The following BAZ2B variants were observed in gnomAD, a reference collection of about 807,000 sequenced individuals.
BAZ2B encodes bromodomain adjacent to zinc finger domain protein 2B.
A neutral mutation model predicts 246.0 loss-of-function variants in BAZ2B; 91 were observed. The observed-to-expected ratio is 0.37, with a 90% CI of 0.31 to 0.44. BAZ2B has a LOEUF of 0.44. Ranked by LOEUF, BAZ2B falls within the 20% of genes least tolerant of loss-of-function variation. BAZ2B has a pLI of 1.00. For missense variants in BAZ2B, 2,332 were observed against 2,533.7 expected, an observed-to-expected ratio of 0.92 and a Z score of 1.71; for synonymous variants, 855 against 860.0, an observed-to-expected ratio of 0.99 and a Z score of 0.10.
At chr2:159,434,159 T>C (rs1336223288) in intron 8 of BAZ2B, 4 of 151,848 alleles carry the variant, frequency 2.6e-5, no homozygotes, top group Non-Finnish European at 4.4e-5. Flanking sequence ...AGAATTATTA[T>C]TATTATTATT....
At chr2:159,703,642 G>A in the BAZ2B span, among the ~76,000 whole-genome samples, 1 of 152,142 alleles carries the variant, frequency 6.6e-6, no homozygotes, top group Non-Finnish European at 1.5e-5. Context: ...CCAGCACTTT[G>A]GAAGGCTGAG....
chr2:159,583,012 T>C (rs980473429), intron 1 of BAZ2B, among the ~76,000 whole-genome samples: 1 of 152,002 alleles, frequency 6.6e-6, no homozygotes, highest in East Asian at 1.9e-4. Flanking sequence ...ATAGAATACA[T>C]AGCAATACAA....
chr2:159,528,007 T>C (rs1181548491), intron 2 of BAZ2B, among the ~76,000 whole-genome samples: 1 of 152,166 alleles, frequency 6.6e-6, no homozygotes, highest in Non-Finnish European at 1.5e-5. Context: ...ATAAATCATT[T>C]AACATTTGGA....
chr2:159,366,023 T>C (rs1002379962), intron 27 of BAZ2B, among the ~76,000 whole-genome samples: 2 of 152,200 alleles, frequency 1.3e-5, no homozygotes, highest in Non-Finnish European at 2.9e-5. Flanking sequence ...TTCTGGAAAT[T>C]CTACTCCCAG....
In BAZ2B at chr2:159,479,483, T is replaced by A. The variant is rs151012426; in HGVS notation, c.-2-762A>T. 1.4e-3 allele frequency among the ~76,000 whole-genome samples: 215 copies of A among 152,286 alleles called. 1 individual carries two copies. Among genetic ancestry groups the A allele is most frequent in the African/African-American group, 4.9e-3 (203 of 41,558 alleles). ...ACAATCAAGCAAGAAAGTCATTAAA[T>A]TCACAGATGCTTTAAAGAGAACACG... is the stretch of plus-strand genomic sequence containing the variant. On this transcript the variant is annotated intron_variant, in intron 2 of 36. Transcript: ENST00000392783.
chr2:159,561,359 C>T (rs1352618032), intron 1 of BAZ2B, among the ~76,000 whole-genome samples: 1 of 152,184 alleles, frequency 6.6e-6, no homozygotes, highest in Non-Finnish European at 1.5e-5. Flanking sequence ...TCCCTTTGAC[C>T]TTCTCCACCA....
At chr2:159,634,264 C>T in the BAZ2B span, among the ~76,000 whole-genome samples, 1 of 152,172 alleles carries the variant, frequency 6.6e-6, no homozygotes, top group Non-Finnish European at 1.5e-5. Context: ...CTGATCTCAA[C>T]ACATCATTTT....
At chr2:159,484,337 A>G (rs1213764698) in intron 2 of BAZ2B, among the ~76,000 whole-genome samples, 1 of 152,224 alleles carries the variant, frequency 6.6e-6, no homozygotes, top group Non-Finnish European at 1.5e-5. Context: ...ATAAGTGATA[A>G]AATTATACTC....
At chr2:159,405,432 C>A (rs1234464807) in intron 14 of BAZ2B, among the ~76,000 whole-genome samples, 1 of 151,904 alleles carries the variant, frequency 6.6e-6, no homozygotes, top group Non-Finnish European at 1.5e-5. Context: ...GGATGGTCTC[C>A]ATCTCCTGAC....
chr2:159,458,383 T>C (rs1322427630), intron 3 of BAZ2B: 2 of 152,036 alleles, frequency 1.3e-5, no homozygotes, highest in African/African-American at 4.9e-5. Context: ...TGGAGGGCAG[T>C]GGTGCGATCT....
intron 13 of BAZ2B, among the ~76,000 whole-genome samples, chr2:159,424,653 T>C (rs1286449495): frequency 1.3e-5 from 2 of 152,158 alleles, no homozygotes; most frequent in Non-Finnish European, 2.9e-5. Flanking sequence ...AGGAGAGTGA[T>C]TAAGAATAGA....
intron 2 of BAZ2B, among the ~76,000 whole-genome samples, chr2:159,501,062 G>C (rs1436024123): frequency 2.2e-5 from 3 of 139,236 alleles, no homozygotes; most frequent in Non-Finnish European, 3.1e-5. Context: ...TTGAGCCCAG[G>C]AGTTCAAGAT....
chr2:159,395,762 CACTT>C lies in BAZ2B; in HGVS notation c.3075+3_3075+6del, dbSNP rs1296034887. ...AAGGTAATATTTTTCTAGAAACATA[CACTT>C]ACTTCTGCTTTTTTACGAGCTTCCA... On this transcript the variant is annotated splice_donor_5th_base_variant and intron_variant, in intron 20 of 36. Transcript: ENST00000392783. 5 of 1,601,680 alleles carry C rather than the reference CACTT, an allele frequency of 3.1e-6. No homozygotes were observed. The highest frequency in any genetic ancestry group is 4.3e-6 in the Non-Finnish European group (5 of 1,170,852).
At chr2:159,468,541 C>G (rs1288304044) in intron 3 of BAZ2B, among the ~76,000 whole-genome samples, 1 of 152,088 alleles carries the variant, frequency 6.6e-6, no homozygotes, top group Admixed American at 6.5e-5. Flanking sequence ...ATTTTAAAAA[C>G]TAAATGTTAA....
intron 1 of BAZ2B, among the ~76,000 whole-genome samples, chr2:159,614,308 G>C (rs901820866): frequency 1.3e-5 from 2 of 152,128 alleles, no homozygotes; most frequent in Non-Finnish European, 2.9e-5. Flanking sequence ...AGAGTTTATA[G>C]CTAGCGATTA....
At chr2:159,606,746 CAAT>C (rs1171378599) in intron 1 of BAZ2B, among the ~76,000 whole-genome samples, 1 of 151,906 alleles carries the variant, frequency 6.6e-6, no homozygotes. Context: ...ATTTAATATG[CAAT>C]AATAATAAAT....
intron 1 of BAZ2B, among the ~76,000 whole-genome samples, chr2:159,589,238 C>T (rs7580539): frequency 0.55 from 83,207 of 151,826 alleles, 23,468 homozygotes; most frequent in East Asian, 0.74. Flanking sequence ...TGTAGAGGAG[C>T]TCACAGTGGT....
intron 4 of BAZ2B, among the ~76,000 whole-genome samples, chr2:159,448,658 A>C (rs940764231): frequency 1.3e-5 from 2 of 152,222 alleles, no homozygotes; most frequent in African/African-American, 4.8e-5. Flanking sequence ...TGTAAAGGAC[A>C]AAGGTAGTCC....
At position 159,438,970 on chromosome 2, in the gene BAZ2B, T is replaced by C. The variant is rs760393086; in HGVS notation, c.900+39A>G. The C allele has an allele frequency of 7.6e-6, 12 of 1,579,560 alleles. No homozygotes were observed. In the South Asian group the frequency reaches 1.1e-4, roughly 15 times the overall value. On this transcript the variant is annotated intron_variant, in intron 7 of 36. Transcript: ENST00000392783. ...AGATAAACCAGTTAATTCCTAAATATGAATAATGTTTGGATACTGTCCATG... is the reference window on the plus strand; with the variant it reads ...AGATAAACCAGTTAATTCCTAAATACGAATAATGTTTGGATACTGTCCATG...
Sources: allele counts gnomAD v4.1 joint callset (sites outside exome capture counted in the v4.1 genomes callset), GRCh38; gene constraint gnomAD v4.1.1; transcripts MANE v1.5; gene names NCBI Gene and HGNC (gene_info 2026-07-23, HGNC 2026-07-21).